The following SLC9A3 variants were observed in gnomAD, a reference collection of about 807,000 sequenced individuals.
SLC9A3 encodes the protein solute carrier family 9 member A3, also known as sodium/hydrogen exchanger 3.
Under a neutral mutation model 86.8 loss-of-function variants are expected in SLC9A3, and 37 were observed. The ratio of observed to expected loss-of-function variants is 0.43; its 90% CI spans 0.33 to 0.56. SLC9A3 has a LOEUF of 0.56. Ranked by LOEUF, SLC9A3 falls within the 20% of genes least tolerant of loss-of-function variation. The probability of loss-of-function intolerance (pLI) is 0.06; values close to 1 mark genes in which losing one functional copy is unlikely to be tolerated. For synonymous variants in SLC9A3, 581 were observed against 528.3 expected (o/e 1.10, Z -1.37); for missense variants, 1,011 against 1,171.9 (o/e 0.86, Z 2.00).
chr5:475,675 G>A lies in SLC9A3; in HGVS notation c.2141-4C>T, dbSNP rs1738679622. On this transcript the variant is annotated splice_region_variant and splice_polypyrimidine_tract_variant and intron_variant, in intron 14 of 16. Coordinates refer to ENST00000264938, the MANE Select transcript of SLC9A3 (RefSeq NM_004174.4). Reference sequence around the variant, plus strand: ...TCGGTGTCTGAAAGTTCCAAGTCTGGGGAAGACAGGTTGGGGTGAGGACTG... The same window carrying A: ...TCGGTGTCTGAAAGTTCCAAGTCTGAGGAAGACAGGTTGGGGTGAGGACTG... 3.9e-6 allele frequency: 6 copies of A among 1,519,412 alleles called. No homozygotes were observed. The highest frequency in any genetic ancestry group is 1.7e-4 in the Middle Eastern group (1 of 5,932). The allele number at this position is 1,519,412 out of a possible 1,614,324, so 94.1% of individuals were successfully genotyped here.
chr5:488,313 C>T lies in SLC9A3; in HGVS notation c.675+3G>A. ...GCTCTGGAGCGGTGGCTCCGTTGCT[C>T]ACCACGGTGACTGCGTCGTTCAGCA... On this transcript the variant is annotated splice_donor_region_variant and intron_variant, in intron 3 of 16. Coordinates refer to ENST00000264938, the MANE Select transcript of SLC9A3 (RefSeq NM_004174.4). 3.7e-6 allele frequency: 6 copies of T among 1,612,504 alleles called. No homozygotes were observed. The highest frequency in any genetic ancestry group is 5.1e-6 in the Non-Finnish European group (6 of 1,179,776).
In SLC9A3 at chr5:472,887, A is replaced by G; in HGVS notation, c.*492T>C. On this transcript the variant is annotated 3_prime_UTR_variant, in exon 17 of 17. Transcript: ENST00000264938. ...GTTTCACGCAAATCCGTTTGGGGCGAGCCTCGGTTTCCCGGCAGCGGTGGG... is the reference window on the plus strand; with the variant it reads ...GTTTCACGCAAATCCGTTTGGGGCGGGCCTCGGTTTCCCGGCAGCGGTGGG... The G allele has an allele frequency of 2.0e-6, 1 of 503,128 alleles. No individual in the cohort carries two copies. The highest frequency in any genetic ancestry group is 3.7e-6 in the Non-Finnish European group (1 of 270,480). The allele number at this position is 503,128 out of a possible 1,614,324, so 31.2% of individuals were successfully genotyped here. A position where few individuals can be genotyped will look rare whatever the true frequency, so the allele number is the denominator to read the frequency against.
chr5:473,167 C>CCGCCCCCGGCGCAGGCCT lies in SLC9A3; in HGVS notation c.*211_*212insAGGCCTGCGCCGGGGGCG. The CCGCCCCCGGCGCAGGCCT allele has an allele frequency of 2.2e-6, 1 of 445,038 alleles. No individual in the cohort carries two copies. Among genetic ancestry groups the CCGCCCCCGGCGCAGGCCT allele is most frequent in the Non-Finnish European group, 3.5e-6 (1 of 285,970 alleles). The allele number at this position is 445,038 out of a possible 1,614,324, so 27.6% of individuals were successfully genotyped here. Reference sequence around the variant, plus strand: ...TCCGGCCCCGCCCCCGGCGCAGGCCCCGCCCCCGGCTCGCCCTCGGGCGGC... The same window carrying CCGCCCCCGGCGCAGGCCT: ...TCCGGCCCCGCCCCCGGCGCAGGCCCCGCCCCCGGCGCAGGCCTCGCCCCCGGCTCGCCCTCGGGCGGC... On this transcript the variant is annotated 3_prime_UTR_variant, in exon 17 of 17. Transcript: ENST00000264938.
intron 2 of SLC9A3, among the ~76,000 whole-genome samples, chr5:489,259 C>T (rs957784495): frequency 2.8e-4 from 42 of 152,112 alleles, no homozygotes; most frequent in East Asian, 1.9e-4. Flanking sequence ...GCTGCCTTCC[C>T]GGCCGTGAGG....
At chr5:486,734 C>A (rs1369890065) in intron 3 of SLC9A3, among the ~76,000 whole-genome samples, 1 of 152,216 alleles carries the variant, frequency 6.6e-6, no homozygotes, top group Non-Finnish European at 1.5e-5. Context: ...TCCAATAGGA[C>A]CCGTGTCCCT....
At chr5:522,020 G>T (rs1278320323) in intron 1 of SLC9A3, among the ~76,000 whole-genome samples, 10 of 152,348 alleles carry the variant, frequency 6.6e-5, no homozygotes, top group Admixed American at 6.5e-4. Flanking sequence ...TGCACAGTGG[G>T]TTGAGGGGAC....
At position 470,771 on chromosome 5, in the gene SLC9A3, T is replaced by A. The variant is rs1330204851; in HGVS notation, c.*2608A>T. Reference sequence around the variant, plus strand: ...ATGGTACACAGTATATTGAACTCTGTAACAAAATTATTTTTGAGAAAATAC... The same window carrying A: ...ATGGTACACAGTATATTGAACTCTGAAACAAAATTATTTTTGAGAAAATAC... On this transcript the variant is annotated 3_prime_UTR_variant, in exon 17 of 17. Coordinates refer to ENST00000264938, the MANE Select transcript of SLC9A3 (RefSeq NM_004174.4). The A allele has an allele frequency of 6.6e-6, 1 of 152,380 alleles. No homozygotes were observed. Among genetic ancestry groups the A allele is most frequent in the Admixed American group, 6.5e-5 (1 of 15,292 alleles). 9.4% of individuals were successfully genotyped at this position (152,380 alleles called of 1,614,324 possible). A position where few individuals can be genotyped will look rare whatever the true frequency, so the allele number is the denominator to read the frequency against.
rs143487075 is a variant in SLC9A3, at chr5:481,569, C to T, written c.1513G>A (p.Asp505Asn). ...GGGGCCGTCCCAGCCACTTACTTGT[C>T]TCTGAGATAATTGTGCCCGATCTGT... ...SGQIGHNYLRDKWSHFDRKFL... is the reference protein window; with the variant it reads ...SGQIGHNYLRNKWSHFDRKFL... The change falls in exon 9 of 17, where the codon GAC (aspartate) becomes AAC (asparagine). Residue 505 changes from aspartate to asparagine, a missense_variant. By Grantham distance (23) the Asp-to-Asn change is conservative. Coordinates refer to ENST00000264938, the MANE Select transcript of SLC9A3 (RefSeq NM_004174.4). The T allele has an allele frequency of 1.9e-6, 3 of 1,613,586 alleles. No homozygotes were observed. The highest frequency in any genetic ancestry group is 2.7e-5 in the African/African-American group (2 of 74,922).
At chr5:475,445 C>A in intron 15 of SLC9A3, 116 bp downstream of exon 15, 1 of 684,316 alleles carries the variant, frequency 1.5e-6, no homozygotes, top group South Asian at 1.7e-5. Flanking sequence ...CCTTGAGAAC[C>A]CACAGGAGAC....
chr5:524,292 G>C lies in SLC9A3; in HGVS notation c.31C>G (p.Arg11Gly). The C allele has an allele frequency of 2.3e-6, 3 of 1,295,026 alleles. No individual in the cohort carries two copies. Among genetic ancestry groups the C allele is most frequent in the Non-Finnish European group, 2.9e-6 (3 of 1,020,426 alleles). 80.2% of individuals were successfully genotyped at this position (1,295,026 alleles called of 1,614,324 possible). Residue 11 changes from arginine to glycine, a missense_variant, in exon 1 of 17, where the codon CGG becomes GGG. Physicochemically the swap from Arg to Gly is moderately radical, Grantham distance 125. Around this residue, in one of 3 missense-constraint regions of SLC9A3, gnomAD observed 49 missense variants for 35.6 expected, o/e 1.38. Transcript: ENST00000264938. Reference protein sequence around the residue: MWGLGARGPDRGLLLALALGG... With the variant: MWGLGARGPDGGLLLALALGG... Reference sequence around the variant, plus strand: ...AGCGCCAGCGCCAGCAGCAGCCCCCGGTCGGGGCCCCGGGCCCCGAGTCCC... The same window carrying C: ...AGCGCCAGCGCCAGCAGCAGCCCCCCGTCGGGGCCCCGGGCCCCGAGTCCC...
chr5:502,033 C>T (rs938189328), intron 1 of SLC9A3, among the ~76,000 whole-genome samples: 51 of 152,384 alleles, frequency 3.3e-4, no homozygotes, highest in African/African-American at 9.4e-4. Context: ...GGACTCCCTG[C>T]GCTCAAGTCA....
chr5:518,468 C>T (rs901366488), intron 1 of SLC9A3, among the ~76,000 whole-genome samples: 7 of 152,034 alleles, frequency 4.6e-5, no homozygotes, highest in Admixed American at 3.3e-4. Context: ...TACCCAGAAA[C>T]CTGGCACGCC....
At chr5:519,920 G>A (rs537565476) in intron 1 of SLC9A3, among the ~76,000 whole-genome samples, 37 of 152,306 alleles carry the variant, frequency 2.4e-4, no homozygotes, top group African/African-American at 8.7e-4. Context: ...GCTGCGCGAG[G>A]CACTGCAGAC....
rs73730824 is a variant in SLC9A3, at chr5:477,074, G to A, written c.1760+258C>T. The A allele has an allele frequency of 9.0e-3, 4,554 of 504,894 alleles. 163 individuals carry two copies. Among genetic ancestry groups the A allele is most frequent in the African/African-American group, 0.08 (4,175 of 52,504 alleles). 31.3% of individuals were successfully genotyped at this position (504,894 alleles called of 1,614,324 possible). Reference sequence around the variant, plus strand: ...CATGGGGACCAGGACAGGCTGCTGCGGGCCAGGGGCAAACACGTCAGGCCT... The same window carrying A: ...CATGGGGACCAGGACAGGCTGCTGCAGGCCAGGGGCAAACACGTCAGGCCT... On this transcript the variant is annotated intron_variant, in intron 11 of 16. Coordinates refer to ENST00000264938, the MANE Select transcript of SLC9A3 (RefSeq NM_004174.4).
In SLC9A3 at chr5:488,475, G is replaced by A. The variant is rs148195510; in HGVS notation, c.516C>T (p.Gly172=). Residue 172 remains glycine (G), a splice_region_variant and synonymous_variant, in exon 3 of 17, where the codon GGC becomes GGT. Coordinates refer to ENST00000264938, the MANE Select transcript of SLC9A3 (RefSeq NM_004174.4). ...LYGVFLSGLM[G]DLQIGLLDFL... ...AGTCCAGCAGCCCAATCTGCAGGTC[G>A]CCTGGAAGACAAGCCGGGCCGCGGG... is the stretch of plus-strand genomic sequence containing the variant. The A allele has an allele frequency of 1.8e-3, 2,801 of 1,559,060 alleles. 87 individuals are homozygous for A. In the Admixed American group the frequency reaches 0.045, roughly 25 times the overall value.
At chr5:485,300 C>T in intron 3 of SLC9A3, 69 bp from the exon 4 acceptor site, 1 of 1,304,018 alleles carries the variant, frequency 7.7e-7, no homozygotes, top group Non-Finnish European at 1.1e-6. Context: ...GGGCCCGGGC[C>T]TCGCTGGACT....
intron 3 of SLC9A3, 86 bp from the exon 4 acceptor site, chr5:485,317 G>C: frequency 1.8e-6 from 2 of 1,088,768 alleles, no homozygotes; most frequent in Non-Finnish European, 2.8e-6. Context: ...GACTTGGCCC[G>C]AGTGTGGAGC....
At chr5:502,274 C>G (rs1304358554) in intron 1 of SLC9A3, among the ~76,000 whole-genome samples, 1 of 152,370 alleles carries the variant, frequency 6.6e-6, no homozygotes, top group South Asian at 2.1e-4. Flanking sequence ...GACCCAGCCG[C>G]TCCGGCCCCC....
chr5:516,113 G>A (rs905852312), intron 1 of SLC9A3, among the ~76,000 whole-genome samples: 43 of 138,108 alleles, frequency 3.1e-4, no homozygotes, highest in Admixed American at 4.6e-4. Context: ...CGGGCACTTC[G>A]CTCTGGCTAT....
Sources: gnomAD v4.1 joint callset for allele counts (sites outside exome capture counted in the v4.1 genomes callset) on GRCh38, gnomAD v4.1.1 for gene constraint, gnomAD v4.1.1 regional missense constraint, MANE v1.5 for transcripts, NCBI Gene and HGNC (gene_info 2026-07-23, HGNC 2026-07-21) for gene names.